QKI: variants seen among roughly 807,000 people sequenced by gnomAD.
QKI encodes KH domain-containing RNA-binding protein QKI.
In QKI, 10 loss-of-function variants were observed where a neutral mutation model predicts 39.0. The ratio of observed to expected loss-of-function variants is 0.26; its 90% CI spans 0.16 to 0.43. QKI has a LOEUF of 0.43. Ranked by LOEUF, QKI falls within the 20% of genes least tolerant of loss-of-function variation. The probability of loss-of-function intolerance (pLI) is 1.00; values close to 1 mark genes in which losing one functional copy is unlikely to be tolerated. For missense variants in QKI, 218 were observed against 428.0 expected, an observed-to-expected ratio of 0.51 and a Z score of 4.33; for synonymous variants, 204 against 155.4, an observed-to-expected ratio of 1.31 and a Z score of -2.33.
At chr6:163,424,921 GC>G (rs1049384192) in intron 1 of QKI, among the ~76,000 whole-genome samples, 1 of 152,108 alleles carries the variant, frequency 6.6e-6, no homozygotes, top group South Asian at 2.1e-4. Flanking sequence ...GTTAGCCACT[GC>G]CCCCGGCCTG....
rs1013815189 is a variant in QKI at position 163,577,370 on chromosome 6, A to G, written c.*6660A>G. ...TGTTTTGCTTTTTAAACTACTTGCC[A>G]TAATTTAAAAGTGGCAACACTAGAC... On this transcript the variant is annotated 3_prime_UTR_variant, in exon 8 of 8. Transcript: ENST00000361752. The G allele has an allele frequency of 6.6e-6, 1 of 151,910 alleles. No individual in the cohort carries two copies. The highest frequency in any genetic ancestry group is 2.4e-5 in the African/African-American group (1 of 41,270). The allele number at this position is 151,910 out of a possible 1,614,324, so 9.4% of individuals were successfully genotyped here. A position where few individuals can be genotyped will look rare whatever the true frequency, so the allele number is the denominator to read the frequency against.
In QKI at chr6:163,577,642, T is replaced by G. The variant is rs1777654679; in HGVS notation, c.*6932T>G. On this transcript the variant is annotated 3_prime_UTR_variant, in exon 8 of 8. Coordinates refer to ENST00000361752, the MANE Select transcript of QKI (RefSeq NM_006775.3). Reference sequence around the variant, plus strand: ...GCTGTTGATTTTCTTACTCTTCTCTTGCTTTAATCCTTCCCCCCGGCTCTC... The same window carrying G: ...GCTGTTGATTTTCTTACTCTTCTCTGGCTTTAATCCTTCCCCCCGGCTCTC... 1 of 152,468 alleles carries G rather than the reference T, an allele frequency of 6.6e-6. No homozygotes were observed. Among genetic ancestry groups the G allele is most frequent in the African/African-American group, 2.4e-5 (1 of 41,330 alleles). 9.4% of individuals were successfully genotyped at this position (152,468 alleles called of 1,614,324 possible). A position where few individuals can be genotyped will look rare whatever the true frequency, so the allele number is the denominator to read the frequency against.
chr6:163,555,770 A>G lies in QKI; in HGVS notation c.547-6212A>G, dbSNP rs919845200. Among the ~76,000 whole-genome samples the G allele has an allele frequency of 4.6e-5, 7 of 152,298 alleles. No individual in the cohort carries two copies. In the South Asian group the frequency reaches 1.2e-3, roughly 27 times the overall value. On this transcript the variant is annotated intron_variant, in intron 4 of 7. Coordinates refer to ENST00000361752, the MANE Select transcript of QKI (RefSeq NM_006775.3). ...GGTTCGAATTATTTTTTTAGTTGAC[A>G]TAGTTTTAATGATTTGGAAATACAC... is the stretch of plus-strand genomic sequence containing the variant.
chr6:163,492,495 T>C (rs2128228726), intron 3 of QKI, among the ~76,000 whole-genome samples: 1 of 152,276 alleles, frequency 6.6e-6, no homozygotes, highest in Middle Eastern at 3.4e-3. Flanking sequence ...TTTTGTGAAT[T>C]GTTACGTTTA....
intron 2 of QKI, among the ~76,000 whole-genome samples, chr6:163,471,212 T>A (rs1018218247): frequency 6.6e-6 from 1 of 152,116 alleles, no homozygotes; most frequent in African/African-American, 2.4e-5. Flanking sequence ...AACAGTGGAA[T>A]GAATCCAGGA....
intron 3 of QKI, among the ~76,000 whole-genome samples, chr6:163,491,434 C>T (rs1778047195): frequency 6.6e-6 from 1 of 152,002 alleles, no homozygotes; most frequent in African/African-American, 2.4e-5. Context: ...CCCTGGTGTC[C>T]CTCCTCCTCT....
rs1777660581 is a variant in QKI, at chr6:163,577,731, C to T, written c.*7021C>T. Reference sequence around the variant, plus strand: ...GATGGTGATCTGACTTTCAAACCAGCTTCTCAAAAGGGGTGACATAAAATC... The same window carrying T: ...GATGGTGATCTGACTTTCAAACCAGTTTCTCAAAAGGGGTGACATAAAATC... On this transcript the variant is annotated 3_prime_UTR_variant, in exon 8 of 8. Coordinates refer to ENST00000361752, the MANE Select transcript of QKI (RefSeq NM_006775.3). The T allele has an allele frequency of 6.6e-6, 1 of 152,234 alleles. No individual in the cohort carries two copies. Among genetic ancestry groups the T allele is most frequent in the African/African-American group, 2.4e-5 (1 of 41,426 alleles). 9.4% of individuals were successfully genotyped at this position (152,234 alleles called of 1,614,324 possible).
intron 1 of QKI, among the ~76,000 whole-genome samples, chr6:163,424,602 C>CTCT (rs1489228042): frequency 6.6e-6 from 1 of 151,674 alleles, no homozygotes; most frequent in Non-Finnish European, 1.5e-5. Flanking sequence ...AGAAGAGCCT[C>CTCT]TCATACTATA....
chr6:163,538,377 G>C (rs1251952108), intron 4 of QKI, among the ~76,000 whole-genome samples: 1 of 152,178 alleles, frequency 6.6e-6, no homozygotes, highest in African/African-American at 2.4e-5. Context: ...TATTTTATAT[G>C]GGCTGGTAAG....
intron 4 of QKI, among the ~76,000 whole-genome samples, chr6:163,554,322 A>G (rs1398638438): frequency 6.6e-6 from 1 of 152,194 alleles, no homozygotes; most frequent in African/African-American, 2.4e-5. Flanking sequence ...CGGCTGCTTT[A>G]CACCCACACT....
chr6:163,488,715 T>C (rs2128227824), intron 3 of QKI, among the ~76,000 whole-genome samples: 1 of 152,334 alleles, frequency 6.6e-6, no homozygotes, highest in South Asian at 2.1e-4. Flanking sequence ...GGAATAATTT[T>C]TACTATGTAA....
At chr6:163,459,232 A>G (rs1162162636) in intron 2 of QKI, among the ~76,000 whole-genome samples, 1 of 152,254 alleles carries the variant, frequency 6.6e-6, no homozygotes, top group East Asian at 1.9e-4. Context: ...GCCAAACTGC[A>G]TAAGCAGGTA....
chr6:163,479,927 G>T (rs1416083533), intron 3 of QKI, among the ~76,000 whole-genome samples: 2 of 152,104 alleles, frequency 1.3e-5, no homozygotes, highest in Non-Finnish European at 2.9e-5. Flanking sequence ...TAGAAGGAAG[G>T]CTATCACTAG....
At chr6:163,470,292 T>C (rs1042826154) in intron 2 of QKI, among the ~76,000 whole-genome samples, 3 of 152,100 alleles carry the variant, frequency 2.0e-5, no homozygotes, top group African/African-American at 7.2e-5. Context: ...GTAGGGACAC[T>C]GATGGATACG....
Position 163,442,003 on chromosome 6 carries a change from A to G in QKI, c.143-13276A>G, listed in dbSNP as rs372806063. Among the ~76,000 whole-genome samples, 20 of 152,306 alleles carry G rather than the reference A, an allele frequency of 1.3e-4. 1 individual carries two copies. The highest frequency in any genetic ancestry group is 4.3e-4 in the African/African-American group (18 of 41,566). On this transcript the variant is annotated intron_variant, in intron 1 of 7. Coordinates refer to ENST00000361752, the MANE Select transcript of QKI (RefSeq NM_006775.3). ...GTGGTTCTGGGCATCCTTTTAGGGA[A>G]TCTGTGAAATCAGACTATCTTTGTG...
rs1021931564 is a variant in QKI at position 163,514,195 on chromosome 6, A to C, written c.403-20787A>C. On this transcript the variant is annotated intron_variant, in intron 3 of 7. Coordinates refer to ENST00000361752, the MANE Select transcript of QKI (RefSeq NM_006775.3). ...TACTGCTGCCTAGCTTATGGCATTA[A>C]TGAGACACATCGGGTTTCAAAAAAA... Among the ~76,000 whole-genome samples the C allele has an allele frequency of 3.9e-5, 6 of 152,244 alleles. No homozygotes were observed. In the South Asian group the frequency reaches 1.2e-3, roughly 32 times the overall value.
intron 7 of QKI, chr6:163,567,822 A>C (rs1012076245): frequency 2.0e-6 from 2 of 985,124 alleles, no homozygotes; most frequent in African/African-American, 1.7e-5. Flanking sequence ...AAAGTGCTGG[A>C]TTTGTACTTC....
intron 1 of QKI, among the ~76,000 whole-genome samples, chr6:163,429,433 T>G (rs1184086045): frequency 6.6e-6 from 1 of 152,162 alleles, no homozygotes; most frequent in Non-Finnish European, 1.5e-5. Flanking sequence ...TTCCTTGCCA[T>G]TTCATATTCT....
At chr6:163,500,907 A>C (rs1778716750) in intron 3 of QKI, among the ~76,000 whole-genome samples, 1 of 152,128 alleles carries the variant, frequency 6.6e-6, no homozygotes, top group African/African-American at 2.4e-5. Flanking sequence ...ACAATTTTTG[A>C]TACTTATGAA....
Sources: gnomAD v4.1 joint callset for allele counts (sites outside exome capture counted in the v4.1 genomes callset) on GRCh38, gnomAD v4.1.1 for gene constraint, MANE v1.5 for transcripts, NCBI Gene and HGNC (gene_info 2026-07-23, HGNC 2026-07-21) for gene names.